DOCK9: variants seen among roughly 807,000 people sequenced by gnomAD.
DOCK9 encodes the protein dedicator of cytokinesis 9, also known as dedicator of cytokinesis protein 9.
In DOCK9, 89 loss-of-function variants were observed where a neutral mutation model predicts 263.3. The ratio of observed to expected loss-of-function variants is 0.34; its 90% CI spans 0.28 to 0.40. The LOEUF is 0.40. Ranked by LOEUF, DOCK9 falls within the 10% of genes least tolerant of loss-of-function variation. The probability of loss-of-function intolerance (pLI) is 1.00; values close to 1 mark genes in which losing one functional copy is unlikely to be tolerated. For synonymous variants in DOCK9, 976 were observed against 973.1 expected, an observed-to-expected ratio of 1.00 and a Z score of -0.06; for missense variants, 2,140 against 2,603.4, an observed-to-expected ratio of 0.82 and a Z score of 3.87.
intron 8 of DOCK9, among the ~76,000 whole-genome samples, chr13:98,915,001 T>C (rs139164738): frequency 2.0e-5 from 3 of 152,336 alleles, no homozygotes; most frequent in Non-Finnish European, 2.9e-5. Flanking sequence ...TCCCATTTTA[T>C]AGGTGAGTCA....
intron 2 of DOCK9, among the ~76,000 whole-genome samples, chr13:98,951,444 A>G (rs1043403629): frequency 4.6e-5 from 7 of 152,204 alleles, no homozygotes; most frequent in Non-Finnish European, 7.3e-5. Context: ...CTAGCAAGAA[A>G]GGGATTTTGT....
At chr13:99,026,161 A>G (rs1886690077) in intron 1 of DOCK9, among the ~76,000 whole-genome samples, 1 of 152,092 alleles carries the variant, frequency 6.6e-6, no homozygotes, top group South Asian at 2.1e-4. Flanking sequence ...TAAGGGGTCC[A>G]GTGTTCTTTT....
At chr13:98,933,385 A>AG (rs145299004) in intron 2 of DOCK9, among the ~76,000 whole-genome samples, 4,322 of 152,158 alleles carry the variant, frequency 0.028, 204 homozygotes, top group African/African-American at 0.097. Flanking sequence ...AAAAAAAAAA[A>AG]GTAACTTTAA....
At chr13:98,926,424 A>G (rs1246822287) in intron 3 of DOCK9, among the ~76,000 whole-genome samples, 1 of 152,242 alleles carries the variant, frequency 6.6e-6, no homozygotes. Flanking sequence ...ATTAGGAAGA[A>G]ACATATGCAT....
Position 99,017,381 on chromosome 13 carries a change from A to G in DOCK9, c.130-61830T>C, listed in dbSNP as rs576182366. On this transcript the variant is annotated intron_variant, in intron 1 of 32. Coordinates refer to the DOCK9 transcript ENST00000427887. ...CAATTAACCTGACTCCTATACAGCAAGAGAAATAGCTTTAAAAGCAATAGT... is the reference window on the plus strand; with the variant it reads ...CAATTAACCTGACTCCTATACAGCAGGAGAAATAGCTTTAAAAGCAATAGT... Among the ~76,000 whole-genome samples, 14 of 152,354 alleles carry G rather than the reference A, an allele frequency of 9.2e-5. No individual in the cohort carries two copies. In the South Asian group the frequency reaches 2.7e-3, roughly 29 times the overall value.
chr13:98,949,349 C>A (rs549740831), intron 2 of DOCK9, among the ~76,000 whole-genome samples: 41 of 152,184 alleles, frequency 2.7e-4, no homozygotes, highest in Non-Finnish European at 5.6e-4. Flanking sequence ...CTCAATTATG[C>A]CCCTGGGCTT....
chr13:98,863,958 A>G (rs2093949133), intron 30 of DOCK9, among the ~76,000 whole-genome samples: 1 of 152,244 alleles, frequency 6.6e-6, no homozygotes, highest in African/African-American at 2.4e-5. Flanking sequence ...TTTGTGCATA[A>G]CAAACATGTA....
intron 1 of DOCK9, among the ~76,000 whole-genome samples, chr13:99,056,492 T>C (rs1324447264): frequency 6.6e-6 from 1 of 152,090 alleles, no homozygotes; most frequent in African/African-American, 2.4e-5. Flanking sequence ...AAAAAAGATA[T>C]TATGTCTGTA....
intron 1 of DOCK9, among the ~76,000 whole-genome samples, chr13:99,046,235 G>A (rs976054720): frequency 6.6e-6 from 1 of 152,204 alleles, no homozygotes; most frequent in African/African-American, 2.4e-5. Flanking sequence ...AGAACAAGCC[G>A]AGCGACCTCC....
intron 39 of DOCK9, among the ~76,000 whole-genome samples, chr13:98,832,413 G>A (rs1035208262): frequency 6.6e-6 from 1 of 152,096 alleles, no homozygotes; most frequent in Non-Finnish European, 1.5e-5. Flanking sequence ...GAAGACATGA[G>A]ATCAAGTGTA....
intron 1 of DOCK9, among the ~76,000 whole-genome samples, chr13:99,085,653 G>A (rs1049949192): frequency 6.6e-5 from 10 of 152,070 alleles, no homozygotes; most frequent in African/African-American, 2.2e-4. Context: ...CCTAAAAGGC[G>A]GCCAAACTTC....
At chr13:98,807,410 A>C (rs1462143095) in intron 48 of DOCK9, among the ~76,000 whole-genome samples, 1 of 152,248 alleles carries the variant, frequency 6.6e-6, no homozygotes, top group African/African-American at 2.4e-5. Flanking sequence ...TGGACTAAAA[A>C]TGACATATCC....
At chr13:98,990,069 T>A (rs1879451901) in intron 1 of DOCK9, among the ~76,000 whole-genome samples, 1 of 152,222 alleles carries the variant, frequency 6.6e-6, no homozygotes, top group Non-Finnish European at 1.5e-5. Flanking sequence ...AAAGCCTTAG[T>A]TGCTCACAGC....
chr13:98,797,494 A>G lies in DOCK9; in HGVS notation c.5917-5T>C, dbSNP rs2089570242. 6.2e-7 allele frequency: 1 copy of G among 1,603,638 alleles called. No homozygotes were observed. The highest frequency in any genetic ancestry group is 1.1e-5 in the South Asian group (1 of 89,284). Reference sequence around the variant, plus strand: ...TGCTAGTGGGCCAGCATTGACCTAGACAAAGAGCAAAGATTTTCAGTTCCA... The same window carrying G: ...TGCTAGTGGGCCAGCATTGACCTAGGCAAAGAGCAAAGATTTTCAGTTCCA... On this transcript the variant is annotated splice_polypyrimidine_tract_variant and splice_region_variant and intron_variant, in intron 50 of 52. Transcript: ENST00000682017.
intron 1 of DOCK9, among the ~76,000 whole-genome samples, chr13:99,068,661 T>C (rs916024546): frequency 9.2e-5 from 14 of 151,384 alleles, no homozygotes; most frequent in Admixed American, 9.2e-4. Context: ...AGCACATACA[T>C]CCTTCAGTTT....
At chr13:98,961,015 G>A (rs1030880306) in intron 1 of DOCK9, among the ~76,000 whole-genome samples, 8 of 152,170 alleles carry the variant, frequency 5.3e-5, no homozygotes, top group Non-Finnish European at 1.2e-4. Flanking sequence ...CTGGAGAGTG[G>A]TCATGTGGAA....
At chr13:98,894,906 T>G (rs1425801953) in intron 15 of DOCK9, among the ~76,000 whole-genome samples, 1 of 132,086 alleles carries the variant, frequency 7.6e-6, no homozygotes, top group Admixed American at 9.3e-5. Flanking sequence ...GTCAGGAGTT[T>G]GAGACCAGCC....
intron 2 of DOCK9, among the ~76,000 whole-genome samples, chr13:98,941,038 C>G (rs1431606240): frequency 6.6e-6 from 1 of 152,164 alleles, no homozygotes; most frequent in Admixed American, 6.5e-5. Flanking sequence ...TTCTGCCCTT[C>G]TCCAACAGTC....
exon 1 of DOCK9, chr13:99,086,425 C>G: frequency 2.2e-6 from 2 of 899,916 alleles, no homozygotes; most frequent in Non-Finnish European, 2.6e-6. Context: ...CAGGTGCGCC[C>G]TCGGCGCCCG....
Sources: allele counts gnomAD v4.1 joint callset (sites outside exome capture counted in the v4.1 genomes callset), GRCh38; gene constraint gnomAD v4.1.1; transcripts MANE v1.5; gene names NCBI Gene and HGNC (gene_info 2026-07-23, HGNC 2026-07-21).